Variants in DPF3 observed in about 807,000 individuals in gnomAD.
The protein encoded by DPF3 is zinc finger protein DPF3.
In DPF3, 18 loss-of-function variants were observed where a neutral mutation model predicts 56.8. The observed-to-expected ratio is 0.32, with a 90% CI of 0.22 to 0.47. The LOEUF (loss-of-function observed/expected upper bound fraction) is 0.47. DPF3 is among the 20% of genes least tolerant of loss of function. DPF3 has a pLI of 1.00. For synonymous variants in DPF3, 188 were observed against 180.2 expected (o/e 1.04, Z -0.35); for missense variants, 403 against 488.8 (o/e 0.82, Z 1.65).
intron 1 of DPF3, among the ~76,000 whole-genome samples, chr14:72,786,243 A>T (rs1029068079): frequency 1.3e-5 from 2 of 151,816 alleles, no homozygotes; most frequent in African/African-American, 4.8e-5. Context: ...AACCTGGGCA[A>T]CAGAGCGAGA....
At chr14:72,637,619 A>G (rs1448498544) in intron 8 of DPF3, among the ~76,000 whole-genome samples, 1 of 152,152 alleles carries the variant, frequency 6.6e-6, no homozygotes, top group Non-Finnish European at 1.5e-5. Context: ...AAGTCAATTG[A>G]CTTCTCTAGC....
chr14:72,705,601 C>G (rs987607062), intron 6 of DPF3, among the ~76,000 whole-genome samples: 2 of 152,108 alleles, frequency 1.3e-5, no homozygotes, highest in Non-Finnish European at 2.9e-5. Flanking sequence ...TCCCAGCAAC[C>G]CTGGTCTAAC....
intron 1 of DPF3, chr14:72,836,464 G>A: frequency 1.0e-6 from 1 of 985,628 alleles, no homozygotes; most frequent in Non-Finnish European, 1.2e-6. Flanking sequence ...CTGCCCTGAA[G>A]GGAGAAGGAG....
intron 1 of DPF3, among the ~76,000 whole-genome samples, chr14:72,789,688 C>T (rs1031418247): frequency 6.6e-5 from 10 of 152,064 alleles, no homozygotes; most frequent in African/African-American, 2.4e-4. Context: ...GCCACCATTC[C>T]CAGCTAATTT....
chr14:72,846,292 G>A (rs1039590268), intron 1 of DPF3, among the ~76,000 whole-genome samples: 7 of 139,064 alleles, frequency 5.0e-5, no homozygotes, highest in African/African-American at 1.9e-4. Flanking sequence ...TATATTTTTA[G>A]TAGAGATGGG....
intron 6 of DPF3, among the ~76,000 whole-genome samples, chr14:72,712,033 C>T (rs1028277711): frequency 1.3e-5 from 2 of 151,960 alleles, no homozygotes. Context: ...CGAGCTGCCA[C>T]ACAATTTCCA....
At chr14:72,876,680 G>C (rs1306252778) in intron 1 of DPF3, among the ~76,000 whole-genome samples, 1 of 152,106 alleles carries the variant, frequency 6.6e-6, no homozygotes, top group Non-Finnish European at 1.5e-5. Flanking sequence ...ACTTCCCTTT[G>C]GTGACTAAAG....
At chr14:72,815,705 T>C (rs954494660) in intron 1 of DPF3, among the ~76,000 whole-genome samples, 3 of 152,192 alleles carry the variant, frequency 2.0e-5, no homozygotes, top group Non-Finnish European at 4.4e-5. Flanking sequence ...CTCTAACAAA[T>C]TACTACAAAC....
chr14:72,796,816 T>C (rs1354351888), intron 1 of DPF3, among the ~76,000 whole-genome samples: 2 of 152,082 alleles, frequency 1.3e-5, no homozygotes, highest in African/African-American at 2.4e-5. Flanking sequence ...TTGTCGATAG[T>C]TGAGTCTGGA....
At chr14:72,799,348 C>G (rs562346185) in intron 1 of DPF3, among the ~76,000 whole-genome samples, 89 of 152,276 alleles carry the variant, frequency 5.8e-4, no homozygotes, top group African/African-American at 2.1e-3. Context: ...AGGCTTGTGA[C>G]TAGGCCTGGC....
intron 1 of DPF3, among the ~76,000 whole-genome samples, chr14:72,824,629 G>A (rs1025910159): frequency 3.4e-5 from 5 of 149,124 alleles, no homozygotes; most frequent in Non-Finnish European, 7.4e-5. Context: ...GTGTAATAGC[G>A]CCATCTTGGC....
At chr14:72,753,730 T>A (rs575684227) in intron 2 of DPF3, among the ~76,000 whole-genome samples, 1 of 152,244 alleles carries the variant, frequency 6.6e-6, no homozygotes, top group East Asian at 1.9e-4. Flanking sequence ...TGCCCCTCTA[T>A]CCTGATCCAG....
intron 8 of DPF3, among the ~76,000 whole-genome samples, chr14:72,671,678 TCA>T: frequency 6.6e-6 from 1 of 152,246 alleles, no homozygotes; most frequent in East Asian, 1.9e-4. Context: ...ACAATGATTT[TCA>T]TTGGTGGTTT....
At chr14:72,665,884 G>C (rs1372531532) in intron 8 of DPF3, among the ~76,000 whole-genome samples, 1 of 151,776 alleles carries the variant, frequency 6.6e-6, no homozygotes, top group Non-Finnish European at 1.5e-5. Context: ...TAAGTTTTTT[G>C]TAAGTGTAAA....
intron 3 of DPF3, among the ~76,000 whole-genome samples, chr14:72,750,498 G>C (rs1890518818): frequency 6.6e-6 from 1 of 152,088 alleles, no homozygotes; most frequent in African/African-American, 2.4e-5. Flanking sequence ...ACTTACATAT[G>C]AGACGTCCTC....
chr14:72,644,321 T>C (rs931548227), intron 8 of DPF3, among the ~76,000 whole-genome samples: 5 of 152,222 alleles, frequency 3.3e-5, no homozygotes, highest in African/African-American at 1.2e-4. Flanking sequence ...GTATCTGTGA[T>C]CACTAAACCC....
Position 72,815,298 on chromosome 14 carries a change from C to G in DPF3, c.33-43405G>C, listed in dbSNP as rs144081818. On this transcript the variant is annotated intron_variant, in intron 1 of 10. Coordinates refer to ENST00000556509, the MANE Select transcript of DPF3 (RefSeq NM_001280542.3). Reference sequence around the variant, plus strand: ...ATCACAATGAGATACCGTTAAACATCTATTATAATGGCTAAAATTTAAAAG... The same window carrying G: ...ATCACAATGAGATACCGTTAAACATGTATTATAATGGCTAAAATTTAAAAG... Among the ~76,000 whole-genome samples the G allele has an allele frequency of 2.7e-3, 414 of 152,238 alleles. 4 individuals are homozygous for G. Among genetic ancestry groups the G allele is most frequent in the African/African-American group, 9.5e-3 (393 of 41,548 alleles).
Position 72,771,767 on chromosome 14 carries a change from G to A in DPF3, c.159C>T (p.Cys53=). 6.2e-7 allele frequency: 1 copy of A among 1,613,534 alleles called. No homozygotes were observed. Among genetic ancestry groups the A allele is most frequent in the Non-Finnish European group, 8.5e-7 (1 of 1,179,648 alleles). ...GGTGCCTCTTCTCCATCCAGATGTA[G>A]CAGTTGTTCTGGGCCACCCCAGTCT... ...DSQTGVAQNN[C]YIWMEKRHRG... Residue 53 remains cysteine, a synonymous_variant, in exon 2 of 11, where the codon TGC becomes TGT. Transcript: ENST00000556509.
chr14:72,866,583 G>T (rs947542307), intron 1 of DPF3, among the ~76,000 whole-genome samples: 4 of 150,674 alleles, frequency 2.7e-5, no homozygotes, highest in Admixed American at 2.6e-4. Context: ...ATGGCTGGGT[G>T]TGGTGGCTCA....
Sources: gnomAD v4.1 joint callset for allele counts (sites outside exome capture counted in the v4.1 genomes callset) on GRCh38, gnomAD v4.1.1 for gene constraint, MANE v1.5 for transcripts, NCBI Gene and HGNC (gene_info 2026-07-23, HGNC 2026-07-21) for gene names.